CRTAC1: variants seen among roughly 807,000 people sequenced by gnomAD.
CRTAC1 encodes the protein acidic secreted protein in cartilage.
In CRTAC1, 37 loss-of-function variants were observed where a neutral mutation model predicts 67.8. The ratio of observed to expected loss-of-function variants is 0.55; its 90% CI spans 0.42 to 0.72. The LOEUF (loss-of-function observed/expected upper bound fraction) is 0.72, where lower values mean the gene tolerates loss of function less well. Ranked by LOEUF, CRTAC1 falls within the 30% of genes least tolerant of loss-of-function variation. CRTAC1 has a pLI of 0.00. For missense variants in CRTAC1, 780 were observed against 931.6 expected (o/e 0.84, Z 2.12); for synonymous variants, 348 against 371.0 (o/e 0.94, Z 0.71).
At chr10:97,950,956 C>T (rs1220667723) in intron 2 of CRTAC1, among the ~76,000 whole-genome samples, 4 of 152,158 alleles carry the variant, frequency 2.6e-5, no homozygotes, top group Non-Finnish European at 5.9e-5. Context: ...GAAGTTGGAG[C>T]AGCAACTGAG....
chr10:97,879,607 A>G, intron 14 of CRTAC1: 3 of 1,499,720 alleles, frequency 2.0e-6, no homozygotes, highest in Non-Finnish European at 2.7e-6. Context: ...GGAGAGAGAG[A>G]CAAGCAGCAG....
intron 2 of CRTAC1, among the ~76,000 whole-genome samples, chr10:97,986,960 G>A (rs901553777): frequency 5.3e-5 from 8 of 152,194 alleles, no homozygotes; most frequent in Non-Finnish European, 8.8e-5. Context: ...TTGGTACATT[G>A]CAGGTGCTCA....
chr10:97,884,462 G>GAACAGTGCTCAA, intron 11 of CRTAC1, 111 bp from the exon 12 acceptor site: 1 of 1,008,144 alleles, frequency 9.9e-7, no homozygotes, highest in Non-Finnish European at 1.5e-6. Flanking sequence ...ATTGAGCACT[G>GAACAGTGCTCAA]TTCTAAGTGC....
chr10:97,919,040 C>T (rs79538903), intron 4 of CRTAC1, among the ~76,000 whole-genome samples: 5 of 148,380 alleles, frequency 3.4e-5, no homozygotes, highest in South Asian at 2.2e-4. Flanking sequence ...CACCCCCCCC[C>T]GCCTCAGCCT....
chr10:97,872,900 AG>A (rs769509251), intron 14 of CRTAC1, among the ~76,000 whole-genome samples: 1 of 152,194 alleles, frequency 6.6e-6, no homozygotes, highest in Non-Finnish European at 1.5e-5. Flanking sequence ...CTTGTTGGGA[AG>A]AATCCTTATA....
In CRTAC1 at chr10:97,936,107, C is replaced by T. The variant is rs559523917; in HGVS notation, c.421+63G>A. The T allele has an allele frequency of 6.9e-5, 103 of 1,498,648 alleles. No individual in the cohort carries two copies. In the African/African-American group the frequency reaches 1.2e-3, roughly 17 times the overall value. The allele number at this position is 1,498,648 out of a possible 1,614,324, so 92.8% of individuals were successfully genotyped here. ...AAGGGCCAGGGTTCCCATGGCCCTCCCCAAGTTGCTACTGGGAGGGAGAAG... is the reference window on the plus strand; with the variant it reads ...AAGGGCCAGGGTTCCCATGGCCCTCTCCAAGTTGCTACTGGGAGGGAGAAG... On this transcript the variant is annotated intron_variant, in intron 3 of 14. Coordinates refer to ENST00000370597, the MANE Select transcript of CRTAC1 (RefSeq NM_018058.7).
At chr10:98,017,518 T>C (rs1458969812) in intron 1 of CRTAC1, among the ~76,000 whole-genome samples, 2 of 152,070 alleles carry the variant, frequency 1.3e-5, no homozygotes, top group African/African-American at 4.8e-5. Flanking sequence ...GTGAGAAGAA[T>C]TGTTTTTTAA....
chr10:98,027,606 A>T (rs1225304629), intron 1 of CRTAC1, among the ~76,000 whole-genome samples: 2 of 152,012 alleles, frequency 1.3e-5, no homozygotes, highest in Non-Finnish European at 2.9e-5. Flanking sequence ...TGCTTAAAAC[A>T]CCACTTGGAA....
At chr10:97,865,885 C>T (rs2050017073) in intron 14 of CRTAC1, 171 bp from the exon 15 acceptor site, 1 of 1,001,504 alleles carries the variant, frequency 1.0e-6, no homozygotes, top group Admixed American at 2.9e-5. Context: ...CCCTGTCCCT[C>T]ACCCCCGTCT....
intron 14 of CRTAC1, chr10:97,878,598 C>T: frequency 7.7e-7 from 1 of 1,302,374 alleles, no homozygotes. Context: ...TGAGCATATT[C>T]TGTGGCGTTA....
intron 3 of CRTAC1, 107 bp downstream of exon 3, chr10:97,936,063 C>A: frequency 2.8e-6 from 3 of 1,066,556 alleles, no homozygotes; most frequent in Non-Finnish European, 4.1e-6. Flanking sequence ...CCTAGGGGGA[C>A]AATGACAGTT....
chr10:97,931,277 C>T (rs2147881), intron 3 of CRTAC1, among the ~76,000 whole-genome samples: 131,572 of 152,206 alleles, frequency 0.86, 57,927 homozygotes, highest in South Asian at 0.96. Flanking sequence ...GAAGGACAAT[C>T]TGGCAGTGGC....
At chr10:97,950,755 G>A (rs1393248859) in intron 2 of CRTAC1, among the ~76,000 whole-genome samples, 1 of 152,238 alleles carries the variant, frequency 6.6e-6, no homozygotes, top group Non-Finnish European at 1.5e-5. Flanking sequence ...CTAGCCCAGG[G>A]CTCTGTCCAA....
intron 14 of CRTAC1, chr10:97,869,891 G>A (rs1183731573): frequency 6.6e-6 from 1 of 152,298 alleles, no homozygotes; most frequent in East Asian, 1.9e-4. Flanking sequence ...GGCCCAGACA[G>A]GAGGCATCAC....
intron 9 of CRTAC1, 71 bp downstream of exon 9, chr10:97,896,838 C>CCCCCCCCACCCCCCCCCAA: frequency 1.9e-6 from 1 of 518,606 alleles, no homozygotes; most frequent in Non-Finnish European, 3.6e-6. Flanking sequence ...CCCCGTCCCT[C>CCCCCCCCACCCCCCCCCAA]CCGCCCTCAC....
At chr10:97,945,954 C>T (rs771973823) in intron 2 of CRTAC1, among the ~76,000 whole-genome samples, 10 of 152,068 alleles carry the variant, frequency 6.6e-5, no homozygotes, top group Non-Finnish European at 1.5e-4. Flanking sequence ...TCGATGCCCT[C>T]GGAATTTCTT....
At position 97,964,490 on chromosome 10, in the gene CRTAC1, T is replaced by C. The variant is rs115664794; in HGVS notation, c.225-28124A>G. On this transcript the variant is annotated intron_variant, in intron 2 of 14. Transcript: ENST00000370597. Reference sequence around the variant, plus strand: ...GATTGAGGTGGGGTGGGGCATCCCATAAAACACTCATAGGAGAAAAGCCAC... The same window carrying C: ...GATTGAGGTGGGGTGGGGCATCCCACAAAACACTCATAGGAGAAAAGCCAC... 2.0e-3 allele frequency among the ~76,000 whole-genome samples: 302 copies of C among 152,246 alleles called. 3 individuals are homozygous for C. The highest frequency in any genetic ancestry group is 0.01 in the Middle Eastern group (3 of 294).
chr10:97,986,988 A>G (rs531356752), intron 2 of CRTAC1, among the ~76,000 whole-genome samples: 2 of 152,214 alleles, frequency 1.3e-5, no homozygotes, highest in Non-Finnish European at 2.9e-5. Context: ...CTAATGCCAG[A>G]GTGTCCTGAG....
chr10:97,881,758 T>G (rs1050970843), intron 13 of CRTAC1, among the ~76,000 whole-genome samples: 1 of 152,026 alleles, frequency 6.6e-6, no homozygotes, highest in African/African-American at 2.4e-5. Context: ...CAGCCACCCT[T>G]GGCACCACTG....
Sources: allele counts gnomAD v4.1 joint callset (sites outside exome capture counted in the v4.1 genomes callset), GRCh38; gene constraint gnomAD v4.1.1; transcripts MANE v1.5; gene names NCBI Gene and HGNC (gene_info 2026-07-23, HGNC 2026-07-21).